Variants in ZCWPW2 observed in about 807,000 individuals in gnomAD.
ZCWPW2 encodes the protein zinc finger CW-type PWWP domain protein 2.
ZCWPW2 carries 45 observed loss-of-function variants against 46.6 expected under a neutral mutation model. That is an observed-to-expected ratio of 0.96 (90% CI 0.76 to 1.24). The LOEUF is 1.24. ZCWPW2 is among the 50% of genes most tolerant of loss of function. The pLI is 0.00. For synonymous variants in ZCWPW2, 152 were observed against 137.1 expected (o/e 1.11, Z -0.76); for missense variants, 429 against 403.9 (o/e 1.06, Z -0.53).
intron 4 of ZCWPW2, chr3:28,478,282 C>CA (rs1400503335): frequency 3.2e-6 from 1 of 310,220 alleles, no homozygotes; most frequent in Non-Finnish European, 6.6e-6. Flanking sequence ...CTTACTCTCT[C>CA]ACCTAGACTG....
intron 6 of ZCWPW2, among the ~76,000 whole-genome samples, chr3:28,499,441 G>A (rs1700083554): frequency 2.0e-5 from 3 of 152,044 alleles, no homozygotes; most frequent in Admixed American, 2.0e-4. Context: ...CCACATAAAT[G>A]TCTTCTTTTG....
intron 5 of ZCWPW2, among the ~76,000 whole-genome samples, chr3:28,484,232 A>G (rs1699520903): frequency 6.7e-6 from 1 of 148,348 alleles, no homozygotes; most frequent in South Asian, 2.1e-4. Context: ...TTTCTTCTTT[A>G]TGCTGTTGAT....
intron 2 of ZCWPW2, among the ~76,000 whole-genome samples, chr3:28,400,250 A>C (rs1469976126): frequency 6.6e-6 from 1 of 152,088 alleles, no homozygotes; most frequent in Non-Finnish European, 1.5e-5. Flanking sequence ...AACAACAACA[A>C]AAAAGAAAAT....
At chr3:28,438,925 G>T (rs1697605619) in intron 4 of ZCWPW2, among the ~76,000 whole-genome samples, 1 of 151,908 alleles carries the variant, frequency 6.6e-6, no homozygotes, top group Non-Finnish European at 1.5e-5. Flanking sequence ...ACAAATTAGA[G>T]CAGAGAGAAG....
intron 1 of ZCWPW2, among the ~76,000 whole-genome samples, chr3:28,358,245 T>G (rs1006741157): frequency 6.6e-6 from 1 of 152,188 alleles, no homozygotes; most frequent in Non-Finnish European, 1.5e-5. Flanking sequence ...TATACTTCTC[T>G]TAAATTCCTG....
At chr3:28,472,599 A>T (rs1699079050) in intron 4 of ZCWPW2, among the ~76,000 whole-genome samples, 2 of 152,182 alleles carry the variant, frequency 1.3e-5, no homozygotes, top group African/African-American at 4.8e-5. Flanking sequence ...AAAATCTAAG[A>T]CCTCAAACTA....
chr3:28,427,153 C>T (rs1275263706), intron 3 of ZCWPW2, among the ~76,000 whole-genome samples: 1 of 152,092 alleles, frequency 6.6e-6, no homozygotes, highest in Admixed American at 6.6e-5. Flanking sequence ...ATTGGGTTGC[C>T]CACTCCTCTC....
chr3:28,404,008 C>A (rs1214938128), intron 2 of ZCWPW2, among the ~76,000 whole-genome samples: 1 of 151,904 alleles, frequency 6.6e-6, no homozygotes, highest in African/African-American at 2.4e-5. Context: ...ACCAAGAACC[C>A]AAAAGAAAAT....
intron 3 of ZCWPW2, among the ~76,000 whole-genome samples, chr3:28,420,075 T>TA (rs572015703): frequency 0.23 from 33,702 of 148,554 alleles, 4,323 homozygotes; most frequent in Non-Finnish European, 0.3. Flanking sequence ...AAAGTATAAT[T>TA]AAAAAAAAAA....
intron 1 of ZCWPW2, among the ~76,000 whole-genome samples, chr3:28,356,559 G>A (rs1040836301): frequency 6.6e-6 from 1 of 152,198 alleles, no homozygotes; most frequent in Admixed American, 6.5e-5. Flanking sequence ...GCACACATAT[G>A]TTTGTTGCGG....
intron 4 of ZCWPW2, among the ~76,000 whole-genome samples, chr3:28,467,414 AT>A (rs1698867504): frequency 6.6e-6 from 1 of 151,330 alleles, no homozygotes; most frequent in Non-Finnish European, 1.5e-5. Context: ...TTGAATCATC[AT>A]TCCATATAAA....
At chr3:28,459,831 T>C (rs142577412) in intron 4 of ZCWPW2, among the ~76,000 whole-genome samples, 117 of 152,314 alleles carry the variant, frequency 7.7e-4, no homozygotes, top group African/African-American at 2.7e-3. Context: ...AAATGTCAGA[T>C]TGGGGCTTCT....
chr3:28,367,813 A>G (rs902345949), intron 1 of ZCWPW2, among the ~76,000 whole-genome samples: 5 of 152,130 alleles, frequency 3.3e-5, no homozygotes, highest in African/African-American at 1.2e-4. Context: ...GACTTGCTTT[A>G]TGAATCTGGG....
chr3:28,447,898 G>T (rs1035799869), intron 4 of ZCWPW2: 1 of 863,548 alleles, frequency 1.2e-6, no homozygotes, highest in Non-Finnish European at 1.9e-6. Context: ...GGTTCGTGCT[G>T]TGAGGCCTAA....
intron 1 of ZCWPW2, among the ~76,000 whole-genome samples, chr3:28,375,549 A>C (rs1016156588): frequency 6.6e-6 from 1 of 152,056 alleles, no homozygotes; most frequent in Admixed American, 6.6e-5. Flanking sequence ...GGGTTAACTG[A>C]GATGTTCTGA....
intron 4 of ZCWPW2, among the ~76,000 whole-genome samples, chr3:28,473,410 G>C (rs767849578): frequency 3.3e-5 from 5 of 152,096 alleles, no homozygotes; most frequent in Non-Finnish European, 7.4e-5. Flanking sequence ...GGGAGGCAGA[G>C]GCTGCACTGA....
At position 28,419,852 on chromosome 3, in the gene ZCWPW2, C is replaced by T. The variant is rs371453926; in HGVS notation, c.332+6452C>T. Among the ~76,000 whole-genome samples the T allele has an allele frequency of 3.5e-4, 37 of 106,180 alleles. 1 individual carries two copies. In the East Asian group the frequency reaches 0.01, roughly 29 times the overall value. 69.7% of individuals were successfully genotyped at this position (106,180 alleles called of 152,430 possible). Reference sequence around the variant, plus strand: ...AAAAACCAAACACCGCATGTTCTCACTCATAGGTGGGAATTGAACAATGAG... The same window carrying T: ...AAAAACCAAACACCGCATGTTCTCATTCATAGGTGGGAATTGAACAATGAG... On this transcript the variant is annotated intron_variant, in intron 3 of 9. Coordinates refer to ENST00000383768, the MANE Select transcript of ZCWPW2 (RefSeq NM_001040432.4).
At chr3:28,401,304 G>C (rs1454260651) in intron 2 of ZCWPW2, among the ~76,000 whole-genome samples, 2 of 152,164 alleles carry the variant, frequency 1.3e-5, no homozygotes, top group Non-Finnish European at 2.9e-5. Flanking sequence ...TGGCCTAAAT[G>C]CTCCACTTAA....
At chr3:28,476,081 T>G (rs962736240) in intron 4 of ZCWPW2, among the ~76,000 whole-genome samples, 8 of 151,104 alleles carry the variant, frequency 5.3e-5, no homozygotes, top group African/African-American at 1.9e-4. Flanking sequence ...ATTCCTAACA[T>G]TCATTATATA....
Sources: gnomAD v4.1 joint callset for allele counts (sites outside exome capture counted in the v4.1 genomes callset) on GRCh38, gnomAD v4.1.1 for gene constraint, MANE v1.5 for transcripts, NCBI Gene and HGNC (gene_info 2026-07-23, HGNC 2026-07-21) for gene names.